The following KAT14 variants were observed in gnomAD, a reference collection of about 807,000 sequenced individuals.
KAT14 encodes cysteine-rich protein 2-binding protein.
A neutral mutation model predicts 78.4 loss-of-function variants in KAT14; 66 were observed. That is an observed-to-expected ratio of 0.84 (90% CI 0.69 to 1.03). KAT14 has a LOEUF of 1.03. Ranked by LOEUF, KAT14 falls within the 50% of genes least tolerant of loss-of-function variation. The pLI is 0.00. For synonymous variants in KAT14, 344 were observed against 359.4 expected (o/e 0.96, Z 0.48); for missense variants, 870 against 972.5 (o/e 0.89, Z 1.40).
chr20:18,146,834 T>G (rs956450066), intron 3 of KAT14, among the ~76,000 whole-genome samples: 4 of 151,022 alleles, frequency 2.6e-5, no homozygotes, highest in African/African-American at 9.8e-5. Context: ...GGTGACAGAG[T>G]GAGACCCCAT....
At chr20:18,151,829 C>A (rs2038055233) in intron 4 of KAT14, among the ~76,000 whole-genome samples, 1 of 151,130 alleles carries the variant, frequency 6.6e-6, no homozygotes, top group Admixed American at 6.6e-5. Context: ...CATGGTGAAA[C>A]CCCATCTCTA....
In KAT14 at chr20:18,145,161, T is replaced by TA. The variant is rs2037778506; in HGVS notation, c.260-69dup. 3.9e-6 allele frequency: 6 copies of TA among 1,535,058 alleles called. No individual in the cohort carries two copies. The South Asian group carries it at 7.6e-5, about 19-fold the overall frequency. On this transcript the variant is annotated intron_variant, in intron 2 of 10. Transcript: ENST00000688188. ...ACATGGGAAAGGAAAATCTGGGTGATAAACGGATTAAACCTTTAGGTTACC... is the reference window on the plus strand; with the variant it reads ...ACATGGGAAAGGAAAATCTGGGTGATAAAACGGATTAAACCTTTAGGTTACC...
At chr20:18,141,608 G>A (rs1445857074) in intron 1 of KAT14, among the ~76,000 whole-genome samples, 2 of 152,232 alleles carry the variant, frequency 1.3e-5, no homozygotes, top group Admixed American at 6.5e-5. Flanking sequence ...ACATTGGCCG[G>A]GTGCAGTGGC....
chr20:18,170,621 A>C (rs1023779425), intron 7 of KAT14, among the ~76,000 whole-genome samples: 1 of 151,932 alleles, frequency 6.6e-6, no homozygotes, highest in Non-Finnish European at 1.5e-5. Flanking sequence ...TGCAAGCTCC[A>C]CCTCCCAGGT....
chr20:18,144,448 A>G (rs1430134844), intron 2 of KAT14, among the ~76,000 whole-genome samples: 2 of 152,302 alleles, frequency 1.3e-5, no homozygotes, highest in Admixed American at 6.5e-5. Context: ...GGCTTTGCAC[A>G]GTTTTTTTCT....
intron 1 of KAT14, among the ~76,000 whole-genome samples, chr20:18,139,806 A>G (rs1205192): frequency 0.19 from 29,040 of 152,090 alleles, 2,954 homozygotes; most frequent in Non-Finnish European, 0.21. Context: ...GAAATTAAAT[A>G]ATGAATATTG....
chr20:18,165,762 A>T (rs1008252435), intron 7 of KAT14, among the ~76,000 whole-genome samples: 2 of 152,178 alleles, frequency 1.3e-5, no homozygotes, highest in African/African-American at 4.8e-5. Flanking sequence ...CAGGGCTGTG[A>T]TGTATACCAG....
chr20:18,143,035 A>G (rs2037649599), intron 2 of KAT14, 116 bp downstream of exon 2: 2 of 1,452,134 alleles, frequency 1.4e-6, no homozygotes, highest in Non-Finnish European at 1.8e-6. Flanking sequence ...AATTATATTT[A>G]TTCTCTAGTT....
rs776339670 is a variant in KAT14 at position 18,142,298 on chromosome 20, G to A, written c.-363G>A. 1.5e-5 allele frequency: 23 copies of A among 1,537,118 alleles called. No individual in the cohort carries two copies. Among genetic ancestry groups the A allele is most frequent in the Non-Finnish European group, 2.0e-5 (23 of 1,146,872 alleles). ...TTTGGGAGAACAGATTATTTTGACT[G>A]AGCAACTTGAAGCAGAAAGAGAGAA... is the stretch of plus-strand genomic sequence containing the variant. On this transcript the variant is annotated 5_prime_UTR_variant, in exon 2 of 11. Transcript: ENST00000688188.
chr20:18,157,455 T>A (rs1194701912), intron 4 of KAT14, among the ~76,000 whole-genome samples: 1 of 152,212 alleles, frequency 6.6e-6, no homozygotes. Flanking sequence ...TTTATTGCAG[T>A]AAAAACAGTG....
At chr20:18,138,338 A>G (rs1351487118) in intron 1 of KAT14, 13 of 1,114,044 alleles carry the variant, frequency 1.2e-5, no homozygotes, top group Non-Finnish European at 1.2e-5. Flanking sequence ...CCGCACAGGC[A>G]CGGCACGCAA....
chr20:18,142,156 A>T, intron 1 of KAT14, 52 bp from the exon 2 acceptor site: 1 of 1,509,622 alleles, frequency 6.6e-7, no homozygotes, highest in Non-Finnish European at 8.8e-7. Context: ...TGGCACAAGG[A>T]TGGGGACCAC....
At chr20:18,179,668 C>T (rs908820015) in intron 7 of KAT14, among the ~76,000 whole-genome samples, 3 of 152,166 alleles carry the variant, frequency 2.0e-5, no homozygotes, top group Admixed American at 2.0e-4. Context: ...CCATGAATAC[C>T]TATGGCATGC....
chr20:18,179,064 T>A (rs767810906), intron 7 of KAT14, among the ~76,000 whole-genome samples: 2 of 152,202 alleles, frequency 1.3e-5, no homozygotes, highest in African/African-American at 4.8e-5. Flanking sequence ...CTAAATGATC[T>A]AAAATGATCT....
chr20:18,156,872 C>G (rs1460511548), intron 4 of KAT14, among the ~76,000 whole-genome samples: 1 of 152,226 alleles, frequency 6.6e-6, no homozygotes, highest in Non-Finnish European at 1.5e-5. Flanking sequence ...CATAAGGTCA[C>G]ATTCACAAGT....
intron 7 of KAT14, among the ~76,000 whole-genome samples, chr20:18,175,145 A>G (rs141899621): frequency 6.6e-6 from 1 of 151,904 alleles, no homozygotes; most frequent in Non-Finnish European, 1.5e-5. Context: ...GGGCAAAACC[A>G]TTTCTCCTCC....
At chr20:18,159,898 ATATT>A (rs1217805255) in intron 5 of KAT14, among the ~76,000 whole-genome samples, 1 of 152,132 alleles carries the variant, frequency 6.6e-6, no homozygotes, top group African/African-American at 2.4e-5. Context: ...TTAAATTTTT[ATATT>A]TATTTGTTTG....
chr20:18,182,131 T>TA (rs1297401425), intron 8 of KAT14, among the ~76,000 whole-genome samples: 1 of 151,884 alleles, frequency 6.6e-6, no homozygotes, highest in Non-Finnish European at 1.5e-5. Flanking sequence ...TTATTATTAT[T>TA]TTTTTTTTGA....
chr20:18,182,623 A>C (rs1427475025), intron 8 of KAT14, among the ~76,000 whole-genome samples: 6 of 152,178 alleles, frequency 3.9e-5, no homozygotes, highest in Non-Finnish European at 8.8e-5. Flanking sequence ...TGTAAATGAG[A>C]GCACATTATT....
Sources: allele counts gnomAD v4.1 joint callset (sites outside exome capture counted in the v4.1 genomes callset), GRCh38; gene constraint gnomAD v4.1.1; transcripts MANE v1.5; gene names NCBI Gene and HGNC (gene_info 2026-07-23, HGNC 2026-07-21).